GCC2: variants seen among roughly 807,000 people sequenced by gnomAD.
GCC2 encodes GRIP and coiled-coil domain containing 2.
GCC2 carries 120 observed loss-of-function variants against 210.6 expected under a neutral mutation model. The ratio of observed to expected loss-of-function variants is 0.57; its 90% confidence interval spans 0.49 to 0.66. GCC2 has a LOEUF of 0.66. Ranked by LOEUF, GCC2 falls within the 30% of genes least tolerant of loss-of-function variation. The probability of loss-of-function intolerance (pLI) is 0.00; values close to 1 mark genes in which losing one functional copy is unlikely to be tolerated. For synonymous variants in GCC2, 703 were observed against 652.7 expected (o/e 1.08, Z -1.17); for missense variants, 1,868 against 1,871.9 (o/e 1.00, Z 0.04).
chr2:108,498,342 C>A (rs1296119108), intron 21 of GCC2, among the ~76,000 whole-genome samples: 1 of 151,174 alleles, frequency 6.6e-6, no homozygotes, highest in Non-Finnish European at 1.5e-5. Context: ...ACTGCAGGCA[C>A]GCACCACCAT....
At chr2:108,462,102 G>C (rs1680620329) in intron 4 of GCC2, among the ~76,000 whole-genome samples, 1 of 147,060 alleles carries the variant, frequency 6.8e-6, no homozygotes, top group Non-Finnish European at 1.5e-5. Context: ...CTCCCAAAGT[G>C]CTGGGATTAC....
intron 6 of GCC2, 133 bp from the exon 7 acceptor site, chr2:108,472,694 A>C: frequency 1.6e-6 from 1 of 617,628 alleles, no homozygotes; most frequent in African/African-American, 1.9e-5. Flanking sequence ...TGTTGACCAA[A>C]TTGGTTTCTG....
rs2104479238 is a variant in GCC2, at chr2:108,483,380, C to T, written c.3450+214C>T. Among the ~76,000 whole-genome samples, 3 of 152,198 alleles carry T rather than the reference C, an allele frequency of 2.0e-5. No individual in the cohort carries two copies. In the South Asian group the frequency reaches 6.2e-4, roughly 31 times the overall value. ...CCGAGATTCCACGCATGCGTCACCACACCCGGCTAATTTTTTGTATTTTGG... is the reference window on the plus strand; with the variant it reads ...CCGAGATTCCACGCATGCGTCACCATACCCGGCTAATTTTTTGTATTTTGG... On this transcript the variant is annotated intron_variant, in intron 12 of 22. Coordinates refer to ENST00000309863, the MANE Select transcript of GCC2 (RefSeq NM_181453.4).
At chr2:108,460,853 T>C (rs949898602) in intron 4 of GCC2, among the ~76,000 whole-genome samples, 7 of 152,174 alleles carry the variant, frequency 4.6e-5, no homozygotes, top group Non-Finnish European at 7.4e-5. Context: ...CTCATGATAG[T>C]GAGTGACTTC....
intron 17 of GCC2, among the ~76,000 whole-genome samples, chr2:108,488,861 C>T (rs916078550): frequency 6.6e-6 from 1 of 152,116 alleles, no homozygotes; most frequent in African/African-American, 2.4e-5. Flanking sequence ...AATATAGAGA[C>T]TGTAGATTGA....
At chr2:108,474,588 A>T (rs186850031) in intron 7 of GCC2, among the ~76,000 whole-genome samples, 1 of 152,178 alleles carries the variant, frequency 6.6e-6, no homozygotes, top group Non-Finnish European at 1.5e-5. Flanking sequence ...AAAAAAAGCG[A>T]TGGGACAAAA....
At chr2:108,486,150 C>T (rs1030540044) in intron 15 of GCC2, among the ~76,000 whole-genome samples, 1 of 151,936 alleles carries the variant, frequency 6.6e-6, no homozygotes, top group South Asian at 2.1e-4. Context: ...ATAAAATAAG[C>T]CTGCATCTGA....
chr2:108,506,719 G>T (rs777587423), intron 22 of GCC2, among the ~76,000 whole-genome samples: 2 of 152,096 alleles, frequency 1.3e-5, no homozygotes, highest in South Asian at 2.1e-4. Context: ...TGTTTTAAAA[G>T]AATTTTTTTT....
chr2:108,488,841 G>A (rs1251758046), intron 17 of GCC2, among the ~76,000 whole-genome samples: 2 of 152,050 alleles, frequency 1.3e-5, no homozygotes, highest in Non-Finnish European at 2.9e-5. Context: ...TTTCATTTAG[G>A]AATCTATTAA....
At chr2:108,473,982 T>C (rs536399478) in intron 7 of GCC2, among the ~76,000 whole-genome samples, 2 of 146,378 alleles carry the variant, frequency 1.4e-5, no homozygotes, top group South Asian at 4.4e-4. Context: ...TGAAACCCTG[T>C]CTCTACTAAA....
At chr2:108,481,195 G>T (rs1681833960) in intron 9 of GCC2, among the ~76,000 whole-genome samples, 1 of 152,182 alleles carries the variant, frequency 6.6e-6, no homozygotes, top group African/African-American at 2.4e-5. Context: ...AGGAAATATT[G>T]AAAGTGTCAC....
intron 18 of GCC2, 140 bp from the exon 19 acceptor site, chr2:108,492,433 T>C (rs914585370): frequency 1.8e-5 from 12 of 651,934 alleles, no homozygotes; most frequent in Non-Finnish European, 3.4e-5. Context: ...ATGAGTACAG[T>C]GCAGGTATGT....
In GCC2 at chr2:108,482,431, C is replaced by T. The variant is rs746492141; in HGVS notation, c.3325C>T (p.Gln1109Ter). 6.4e-7 allele frequency: 1 copy of T among 1,551,806 alleles called. No individual in the cohort carries two copies. Among genetic ancestry groups the T allele is most frequent in the African/African-American group, 1.4e-5 (1 of 73,146 alleles). The change falls in exon 11 of 23, where the codon CAG (glutamine) becomes TAG (stop). Residue 1109 changes from glutamine (Q) to a stop codon, truncating the protein, a stop_gained. Coordinates refer to ENST00000309863, the MANE Select transcript of GCC2 (RefSeq NM_181453.4). LOFTEE classifies it high-confidence loss of function. Reference sequence around the variant, plus strand: ...CAAAGAATTAGAAGCTGAAAAACTTCAGAAAGAACAGAAGATAAAGGTAAA... The same window carrying T: ...CAAAGAATTAGAAGCTGAAAAACTTTAGAAAGAACAGAAGATAAAGGTAAA... ...VDKELEAEKL[Q>*]KEQKIKEHAT...
At chr2:108,449,581 T>C (rs2104393533) in intron 1 of GCC2, 52 bp from the exon 2 acceptor site, 1 of 1,527,534 alleles carries the variant, frequency 6.5e-7, no homozygotes, top group Non-Finnish European at 9.1e-7. Context: ...GCGTTCCGTG[T>C]GGAATTAGGA....
In GCC2 at chr2:108,472,077, A is replaced by G. The variant is rs1681260434; in HGVS notation, c.2748A>G (p.Lys916=). The G allele has an allele frequency of 6.4e-7, 1 of 1,566,990 alleles. No homozygotes were observed. The highest frequency in any genetic ancestry group is 8.6e-7 in the Non-Finnish European group (1 of 1,165,494). Residue 916 remains lysine, a synonymous_variant, in exon 6 of 23, where the codon AAA becomes AAG. Transcript: ENST00000309863. The stretch of plus-strand genomic sequence containing the variant: ...ACCTAAAGCCACTACTAGAACAAAA[A>G]GAATTACGAGATAGGAGAGCAGAGT... ...HENLKPLLEQ[K]ELRDRRAELI...
chr2:108,452,691 C>CTTTTTTTTTTTTT (rs34444254), intron 4 of GCC2, among the ~76,000 whole-genome samples: 6 of 99,438 alleles, frequency 6.0e-5, no homozygotes, highest in African/African-American at 1.6e-4. Flanking sequence ...TTTTTTCTTT[C>CTTTTTTTTTTTTT]TTTTTTTTTT....
Position 108,459,745 on chromosome 2 carries a change from C to CTTTTTTTTTTTTTTTTTT in GCC2, c.216+7295_216+7312dup, listed in dbSNP as rs34052393. 2.6e-3 allele frequency among the ~76,000 whole-genome samples: 70 copies of CTTTTTTTTTTTTTTTTTT among 26,762 alleles called. 10 individuals carry two copies. Among genetic ancestry groups the CTTTTTTTTTTTTTTTTTT allele is most frequent in the African/African-American group, 3.6e-3 (28 of 7,730 alleles). 17.6% of individuals were successfully genotyped at this position (26,762 alleles called of 152,430 possible). A position where few individuals can be genotyped will look rare whatever the true frequency, so the allele number is the denominator to read the frequency against. On this transcript the variant is annotated intron_variant, in intron 4 of 22. Coordinates refer to ENST00000309863, the MANE Select transcript of GCC2 (RefSeq NM_181453.4). ...GCCATTAGATAATGACCTTCTTTGT[C>CTTTTTTTTTTTTTTTTTT]TTTTTTTTTTTTTTTTTTTTTTTTT...
At chr2:108,496,276 A>G (rs1327834572) in intron 20 of GCC2, 1 of 152,198 alleles carries the variant, frequency 6.6e-6, no homozygotes, top group African/African-American at 2.4e-5. Context: ...GTTTTGGTAT[A>G]TTTTATTACC....
rs777463225 is a variant in GCC2, at chr2:108,471,953, A to G, written c.2624A>G (p.Asn875Ser). The change falls in exon 6 of 23, where the codon AAT becomes AGT. Residue 875 changes from asparagine to serine, a missense_variant. Around this residue, in one of 3 missense-constraint regions of GCC2, gnomAD observed 1,847 missense variants for 1,765.2 expected, o/e 1.05. Coordinates refer to ENST00000309863, the MANE Select transcript of GCC2 (RefSeq NM_181453.4). ...GCTAATGAAAAAACAAGGCTTGAAA[A>G]TCAGAATCTTTTAATTCAAGTTGAA... ...KNANEKTRLENQNLLIQVEEV... is the reference protein window; with the variant it reads ...KNANEKTRLESQNLLIQVEEV... 1.2e-5 allele frequency: 20 copies of G among 1,604,336 alleles called. No homozygotes were observed. In the Admixed American group the frequency reaches 2.8e-4, roughly 22 times the overall value.
Sources: gnomAD v4.1 joint callset for allele counts (sites outside exome capture counted in the v4.1 genomes callset) on GRCh38, gnomAD v4.1.1 for gene constraint, gnomAD v4.1.1 regional missense constraint, MANE v1.5 for transcripts, NCBI Gene and HGNC (gene_info 2026-07-23, HGNC 2026-07-21) for gene names.